The following BAHD1 variants were observed in gnomAD, a reference collection of about 807,000 sequenced individuals.
BAHD1 encodes bromo adjacent homology domain containing 1, also known as bromo adjacent homology domain-containing 1 protein.
BAHD1 carries 20 observed loss-of-function variants against 63.1 expected under a neutral mutation model. That is an observed-to-expected ratio of 0.32 (90% CI 0.22 to 0.46). The LOEUF is 0.46. Ranked by LOEUF, BAHD1 falls within the 20% of genes least tolerant of loss-of-function variation. The pLI is 1.00. For synonymous variants in BAHD1, 408 were observed against 426.8 expected (o/e 0.96, Z 0.54); for missense variants, 939 against 1,071.8 (o/e 0.88, Z 1.73).
upstream of BAHD1, among the ~76,000 whole-genome samples, chr15:40,440,653 C>T (rs1017422017): frequency 7.2e-5 from 11 of 152,080 alleles, no homozygotes; most frequent in Non-Finnish European, 1.5e-4. Context: ...AGAGAAAAAT[C>T]CAAGAAGCCG....
At chr15:40,450,694 A>C (rs1048360516) in intron 1 of BAHD1, among the ~76,000 whole-genome samples, 2 of 152,076 alleles carry the variant, frequency 1.3e-5, no homozygotes, top group Non-Finnish European at 2.9e-5. Context: ...CCTCTGGCTG[A>C]TCCTGGGCAG....
At chr15:40,457,155 C>T (rs1237403031) in intron 1 of BAHD1, among the ~76,000 whole-genome samples, 1 of 152,212 alleles carries the variant, frequency 6.6e-6, no homozygotes, top group Non-Finnish European at 1.5e-5. Context: ...GAGGGAGAAC[C>T]GAGCACGACT....
At position 40,443,248 on chromosome 15, in the gene BAHD1, T is replaced by C. The variant is rs1346437170; in HGVS notation, c.-15+1980T>C. 6 of 985,228 alleles carry C rather than the reference T, an allele frequency of 6.1e-6. No homozygotes were observed. The East Asian group carries it at 6.8e-4, about 112-fold the overall frequency. 61.0% of individuals were successfully genotyped at this position (985,228 alleles called of 1,614,324 possible). A position where few individuals can be genotyped will look rare whatever the true frequency, so the allele number is the denominator to read the frequency against. Reference sequence around the variant, plus strand: ...AGAGGGTAGCATGGGCATGGGAGTTTATTCATGGCCACCCCCCATGGACCT... The same window carrying C: ...AGAGGGTAGCATGGGCATGGGAGTTCATTCATGGCCACCCCCCATGGACCT... On this transcript the variant is annotated intron_variant, in intron 1 of 6. Transcript: ENST00000416165.
intron 1 of BAHD1, among the ~76,000 whole-genome samples, chr15:40,445,306 G>T (rs1418264175): frequency 6.7e-6 from 1 of 149,954 alleles, no homozygotes; most frequent in Non-Finnish European, 1.5e-5. Context: ...CTGGTTAGAG[G>T]TATAAGTTGG....
intron 1 of BAHD1, among the ~76,000 whole-genome samples, chr15:40,456,472 C>T (rs1390982948): frequency 6.6e-6 from 1 of 152,246 alleles, no homozygotes; most frequent in Admixed American, 6.5e-5. Context: ...AGTCCCCGCA[C>T]GTGGCCAGAG....
upstream of BAHD1, among the ~76,000 whole-genome samples, chr15:40,440,893 C>G (rs898539312): frequency 6.6e-6 from 1 of 152,138 alleles, no homozygotes; most frequent in Admixed American, 6.5e-5. Flanking sequence ...GAGGGGCGCG[C>G]TGCTGATTGG....
At chr15:40,448,276 T>G (rs1227383662) in intron 1 of BAHD1, among the ~76,000 whole-genome samples, 2 of 152,222 alleles carry the variant, frequency 1.3e-5, no homozygotes, top group African/African-American at 4.8e-5. Flanking sequence ...AAAAAAATTT[T>G]TTTAATTGTA....
chr15:40,454,738 G>T (rs1043805637), intron 1 of BAHD1: 6 of 152,274 alleles, frequency 3.9e-5, no homozygotes, highest in Non-Finnish European at 5.9e-5. Context: ...GAGAGGAGGG[G>T]ATAGTGCTGA....
At chr15:40,449,546 T>C (rs1893643177) in intron 1 of BAHD1, among the ~76,000 whole-genome samples, 1 of 152,102 alleles carries the variant, frequency 6.6e-6, no homozygotes, top group Admixed American at 6.5e-5. Context: ...ATGCCTGTAA[T>C]CCCAGCACTT....
At chr15:40,462,997 G>A (rs2141545653) in intron 3 of BAHD1, among the ~76,000 whole-genome samples, 1 of 151,890 alleles carries the variant, frequency 6.6e-6, no homozygotes, top group Admixed American at 6.6e-5. Context: ...AAAACAAAAA[G>A]AATATTAACT....
intron 4 of BAHD1, 60 bp downstream of exon 4, chr15:40,464,080 C>T: frequency 3.8e-6 from 6 of 1,571,328 alleles, no homozygotes; most frequent in Non-Finnish European, 4.3e-6. Flanking sequence ...ACTGTAGTCC[C>T]CAGATTGGCC....
intron 1 of BAHD1, among the ~76,000 whole-genome samples, chr15:40,441,790 C>G (rs985302637): frequency 6.0e-5 from 9 of 150,560 alleles, no homozygotes; most frequent in African/African-American, 2.2e-4. Flanking sequence ...CGCGGGATCG[C>G]CCGCTCAGGG....
chr15:40,453,203 C>A (rs927820992), intron 1 of BAHD1, among the ~76,000 whole-genome samples: 22 of 152,190 alleles, frequency 1.4e-4, no homozygotes, highest in Non-Finnish European at 8.8e-5. Flanking sequence ...AAGCTAAATA[C>A]ATTGCTCAGG....
At chr15:40,451,852 A>G (rs1893713572) in intron 1 of BAHD1, among the ~76,000 whole-genome samples, 1 of 152,246 alleles carries the variant, frequency 6.6e-6, no homozygotes, top group Admixed American at 6.5e-5. Context: ...AGCTGGGGGA[A>G]GGCACGTTGC....
chr15:40,465,310 C>G, intron 5 of BAHD1, 25 bp from the exon 6 acceptor site: 3 of 1,608,502 alleles, frequency 1.9e-6, no homozygotes, highest in South Asian at 1.1e-5. Flanking sequence ...GCCCTGGTAA[C>G]AACCTCCACC....
intron 1 of BAHD1, among the ~76,000 whole-genome samples, chr15:40,447,671 A>C (rs1306228339): frequency 6.6e-6 from 1 of 152,112 alleles, no homozygotes; most frequent in Admixed American, 6.5e-5. Context: ...AAGGACTTGA[A>C]TTTATTTGGC....
intron 1 of BAHD1, among the ~76,000 whole-genome samples, chr15:40,442,178 G>A (rs1269233873): frequency 2.0e-5 from 3 of 152,096 alleles, no homozygotes; most frequent in Non-Finnish European, 4.4e-5. Context: ...CTCGCTTGGC[G>A]GTGAAGCGCC....
Position 40,461,999 on chromosome 15 carries a change from C to T in BAHD1, c.1520C>T (p.Pro507Leu). ...CCCGCCCACCCACTCCTGGGGTGCC[C>T]TGTACCCAGTGTGCCACCTGCAGCA... ...ASPAHPLLGC[P>L]VPSVPPAAEP... The change falls in exon 3 of 7, where the codon CCT (proline) becomes CTT (leucine). Residue 507 changes from proline to leucine, a missense_variant. Pro to Leu is a moderately conservative substitution (Grantham distance 98). Transcript: ENST00000416165. The T allele has an allele frequency of 6.2e-7, 1 of 1,613,850 alleles. No individual in the cohort carries two copies. The highest frequency in any genetic ancestry group is 8.5e-7 in the Non-Finnish European group (1 of 1,180,002).
At chr15:40,455,544 C>T (rs774085553) in intron 1 of BAHD1, among the ~76,000 whole-genome samples, 2 of 152,226 alleles carry the variant, frequency 1.3e-5, no homozygotes, top group Non-Finnish European at 2.9e-5. Flanking sequence ...TGCAGCCAGT[C>T]TCCCAGCCAG....
Sources: gnomAD v4.1 joint callset for allele counts (sites outside exome capture counted in the v4.1 genomes callset) on GRCh38, gnomAD v4.1.1 for gene constraint, MANE v1.5 for transcripts, NCBI Gene and HGNC (gene_info 2026-07-23, HGNC 2026-07-21) for gene names.